The following CPNE4 variants were observed in gnomAD, a reference collection of about 807,000 sequenced individuals.
CPNE4 encodes the protein copine-4.
In CPNE4, 25 loss-of-function variants were observed where a neutral mutation model predicts 67.9. That is an observed-to-expected ratio of 0.37 (90% confidence interval 0.27 to 0.51). The LOEUF is 0.51. Ranked by LOEUF, CPNE4 falls within the 20% of genes least tolerant of loss-of-function variation. The pLI is 0.93. For missense variants in CPNE4, 464 were observed against 690.8 expected (o/e 0.67, Z 3.68); for synonymous variants, 242 against 244.9 (o/e 0.99, Z 0.11).
chr3:131,579,801 G>A (rs115149198), intron 9 of CPNE4, among the ~76,000 whole-genome samples: 1,912 of 152,304 alleles, frequency 0.013, 49 homozygotes, highest in African/African-American at 0.043. Flanking sequence ...TGGATGAGGA[G>A]TTAATTCTCA....
chr3:131,978,208 T>TATTTATATA (rs2072747154), intron 1 of CPNE4, among the ~76,000 whole-genome samples: 1 of 48,188 alleles, frequency 2.1e-5, no homozygotes, highest in African/African-American at 1.9e-4. Flanking sequence ...TTATTATATA[T>TATTTATATA]AATATATATA....
intron 2 of CPNE4, among the ~76,000 whole-genome samples, chr3:131,857,608 A>T (rs2086502476): frequency 6.6e-6 from 1 of 152,080 alleles, no homozygotes; most frequent in Non-Finnish European, 1.5e-5. Context: ...GGCCTCAGAT[A>T]TGACATTCTA....
chr3:131,721,274 G>A (rs1316911838), intron 3 of CPNE4, among the ~76,000 whole-genome samples: 2 of 149,382 alleles, frequency 1.3e-5, no homozygotes, highest in African/African-American at 4.9e-5. Context: ...GGAAAGATGA[G>A]CCTTGTGAGG....
intron 2 of CPNE4, among the ~76,000 whole-genome samples, chr3:131,759,489 C>T (rs2082836709): frequency 6.6e-6 from 1 of 152,140 alleles, no homozygotes; most frequent in Non-Finnish European, 1.5e-5. Context: ...GTTCCTAATA[C>T]TCATCTAATG....
intron 1 of CPNE4, among the ~76,000 whole-genome samples, chr3:132,024,896 C>CA (rs1013878157): frequency 4.6e-5 from 7 of 152,102 alleles, no homozygotes; most frequent in Admixed American, 2.6e-4. Context: ...ACACAGGAGA[C>CA]AAAATTCATG....
chr3:131,622,018 C>CAAAAAAAAAAAAAAAAAAAA (rs34415771), intron 7 of CPNE4, among the ~76,000 whole-genome samples: 1 of 58,030 alleles, frequency 1.7e-5, no homozygotes, highest in Non-Finnish European at 3.9e-5. Context: ...GACCCTGTCT[C>CAAAAAAAAAAAAAAAAAAAA]AAAAAAAAAA....
intron 7 of CPNE4, among the ~76,000 whole-genome samples, chr3:131,643,126 G>A (rs116556755): frequency 0.14 from 22,019 of 152,144 alleles, 1,885 homozygotes; most frequent in African/African-American, 0.24. Context: ...AGGCTGAGGT[G>A]GTCTCTGACG....
At chr3:131,973,025 C>T (rs757616568) in intron 1 of CPNE4, among the ~76,000 whole-genome samples, 9 of 152,164 alleles carry the variant, frequency 5.9e-5, no homozygotes, top group South Asian at 2.1e-4. Context: ...TTTATTTCAT[C>T]AATGTACATA....
chr3:131,843,244 A>G (rs2085865141), intron 2 of CPNE4, among the ~76,000 whole-genome samples: 1 of 152,224 alleles, frequency 6.6e-6, no homozygotes, highest in Non-Finnish European at 1.5e-5. Flanking sequence ...GGAGGGGAAG[A>G]GGAGGCAGTT....
intron 4 of CPNE4, among the ~76,000 whole-genome samples, chr3:131,698,040 G>C (rs1490181499): frequency 3.3e-5 from 5 of 151,718 alleles, no homozygotes; most frequent in Admixed American, 2.6e-4. Flanking sequence ...GACCATCCTG[G>C]CTAACATGGC....
At chr3:131,570,338 TAA>T (rs59570589) in intron 10 of CPNE4, among the ~76,000 whole-genome samples, 62 of 149,996 alleles carry the variant, frequency 4.1e-4, no homozygotes, top group African/African-American at 1.5e-3. Flanking sequence ...TTTATTTTTT[TAA>T]AATTTTTTAT....
intron 2 of CPNE4, among the ~76,000 whole-genome samples, chr3:131,863,802 T>G (rs1326650990): frequency 6.6e-6 from 1 of 152,238 alleles, no homozygotes; most frequent in Non-Finnish European, 1.5e-5. Flanking sequence ...CTGAATGGTA[T>G]TGCCTAAGTT....
At chr3:131,810,186 A>G (rs997940469) in intron 2 of CPNE4, among the ~76,000 whole-genome samples, 4 of 152,232 alleles carry the variant, frequency 2.6e-5, no homozygotes, top group African/African-American at 9.6e-5. Flanking sequence ...CACAGGCAAT[A>G]AAAGTAATAA....
rs1583586552 is a variant in CPNE4, at chr3:132,005,052, A to T, written c.-2+29515T>A. On this transcript the variant is annotated intron_variant, in intron 1 of 15. Transcript: ENST00000429747. Reference sequence around the variant, plus strand: ...TTTCAGCCAATAAGATGTGACCAGAACTGATGTGTGGCTCTTCAATGACAG... The same window carrying T: ...TTTCAGCCAATAAGATGTGACCAGATCTGATGTGTGGCTCTTCAATGACAG... Among the ~76,000 whole-genome samples the T allele has an allele frequency of 3.3e-5, 5 of 151,994 alleles. 1 individual carries two copies. The Middle Eastern group carries it at 0.017, about 517-fold the overall frequency.
intron 2 of CPNE4, among the ~76,000 whole-genome samples, chr3:131,814,594 TTTTTTTTTTTTTTTTTTTTTTTTTTTTTG>T (rs2084661358): frequency 1.7e-5 from 1 of 58,454 alleles, no homozygotes. Context: ...TTTTTTTTTT[TTTTTTTTTTTTTTTTTTTTTTTTTTTTTG>T]AGACGGAGTC....
At chr3:131,989,928 A>G (rs916213704) in intron 1 of CPNE4, among the ~76,000 whole-genome samples, 2 of 136,222 alleles carry the variant, frequency 1.5e-5, no homozygotes, top group African/African-American at 4.9e-5. Context: ...AATGTAACGC[A>G]TGGGCTCTGG....
chr3:131,681,865 A>G (rs200536961), intron 6 of CPNE4, among the ~76,000 whole-genome samples: 6 of 151,954 alleles, frequency 3.9e-5, no homozygotes, highest in Non-Finnish European at 7.4e-5. Flanking sequence ...CAAATAGCCT[A>G]TCTTCAAGCT....
At chr3:131,552,364 A>G in intron 13 of CPNE4, 76 bp downstream of exon 13, 1 of 1,228,398 alleles carries the variant, frequency 8.1e-7, no homozygotes, top group Non-Finnish European at 1.2e-6. Context: ...ATGCTACACC[A>G]GCAGAGATGA....
At chr3:131,762,575 A>G (rs1218961757) in intron 2 of CPNE4, among the ~76,000 whole-genome samples, 4 of 151,848 alleles carry the variant, frequency 2.6e-5, no homozygotes, top group South Asian at 2.1e-4. Context: ...AATGTGAGAG[A>G]AAAAAAACGT....
Sources: allele counts gnomAD v4.1 joint callset (sites outside exome capture counted in the v4.1 genomes callset), GRCh38; gene constraint gnomAD v4.1.1; transcripts MANE v1.5; gene names NCBI Gene and HGNC (gene_info 2026-07-23, HGNC 2026-07-21).